EP400: variants seen among roughly 807,000 people sequenced by gnomAD.
EP400 encodes the protein E1A binding protein p400, also known as E1A-binding protein p400.
In EP400, 105 loss-of-function variants were observed where a neutral mutation model predicts 354.1. The ratio of observed to expected loss-of-function variants is 0.30; its 90% confidence interval spans 0.25 to 0.35. EP400 has a LOEUF of 0.35. Among genes scored for constraint, EP400 ranks in the 10% least tolerant of loss-of-function variants. EP400 has a pLI of 1.00. For missense variants in EP400, 3,280 were observed against 4,121.0 expected, an observed-to-expected ratio of 0.80 and a Z score of 5.59; for synonymous variants, 1,646 against 1,716.9, an observed-to-expected ratio of 0.96 and a Z score of 1.02.
chr12:132,026,175 G>A (rs1001056348), intron 25 of EP400, among the ~76,000 whole-genome samples: 2 of 152,152 alleles, frequency 1.3e-5, no homozygotes, highest in African/African-American at 4.8e-5. Context: ...TGTCCGGCCC[G>A]AGCTGCCACT....
In EP400 at chr12:132,066,756, A is replaced by T. The variant is rs780376611; in HGVS notation, c.8554-18A>T. The T allele has an allele frequency of 6.2e-7, 1 of 1,607,974 alleles. No homozygotes were observed. Among genetic ancestry groups the T allele is most frequent in the South Asian group, 1.1e-5 (1 of 90,130 alleles). ...GTCCTGAATTTCTCTGGACTCTCCC[A>T]TTATTTCTACTGTTTAGACCCGGGT... On this transcript the variant is annotated intron_variant, in intron 48 of 52. Coordinates refer to ENST00000389561, the MANE Select transcript of EP400 (RefSeq NM_015409.5).
At chr12:131,968,125 T>G (rs1293643215) in intron 2 of EP400, among the ~76,000 whole-genome samples, 1 of 152,242 alleles carries the variant, frequency 6.6e-6, no homozygotes, top group Admixed American at 6.5e-5. Flanking sequence ...ATTTATCGTT[T>G]TTTTCTTTTA....
At chr12:132,031,620 G>A (rs866266189) in intron 29 of EP400, among the ~76,000 whole-genome samples, 7 of 152,250 alleles carry the variant, frequency 4.6e-5, no homozygotes, top group African/African-American at 1.7e-4. Context: ...GTACAGTGGC[G>A]CAATCTTGGC....
At chr12:132,014,123 T>C (rs982580370) in intron 19 of EP400, among the ~76,000 whole-genome samples, 3 of 152,236 alleles carry the variant, frequency 2.0e-5, no homozygotes, top group African/African-American at 7.2e-5. Flanking sequence ...GCACTTCCCG[T>C]CTCAGAAGCC....
At chr12:132,053,737 A>C (rs1895386883) in intron 43 of EP400, 140 bp downstream of exon 43, 2 of 995,148 alleles carry the variant, frequency 2.0e-6, no homozygotes, top group Non-Finnish European at 2.8e-6. Flanking sequence ...CTCTGAAGAA[A>C]TGGGAAAAGG....
rs182074553 is a variant in EP400, at chr12:132,008,802, T to G, written c.3304+1925T>G. Among the ~76,000 whole-genome samples, 1,070 of 151,336 alleles carry G rather than the reference T, an allele frequency of 7.1e-3. 35 individuals carry two copies. The South Asian group carries it at 0.093, about 13-fold the overall frequency. On this transcript the variant is annotated intron_variant, in intron 15 of 52. Coordinates refer to ENST00000389561, the MANE Select transcript of EP400 (RefSeq NM_015409.5). ...CTGGCTAATTTTTTTGTATTTTTGGTAGAGACAGGGTTTCATTATGTTGCC... is the reference window on the plus strand; with the variant it reads ...CTGGCTAATTTTTTTGTATTTTTGGGAGAGACAGGGTTTCATTATGTTGCC...
intron 12 of EP400, among the ~76,000 whole-genome samples, chr12:131,999,219 G>A (rs1893324612): frequency 6.6e-6 from 1 of 152,076 alleles, no homozygotes; most frequent in Non-Finnish European, 1.5e-5. Flanking sequence ...TTTCTCAGTT[G>A]TAAATGGGAT....
At position 132,066,615 on chromosome 12, in the gene EP400, G is replaced by A. The variant is rs528761931; in HGVS notation, c.8554-159G>A. On this transcript the variant is annotated intron_variant, in intron 48 of 52. Transcript: ENST00000389561. Reference sequence around the variant, plus strand: ...GACCTGTGACTTGACATTTCCCTGCGGCGTGCAGATCTCTCAGTTTTCCTT... The same window carrying A: ...GACCTGTGACTTGACATTTCCCTGCAGCGTGCAGATCTCTCAGTTTTCCTT... 38 of 733,558 alleles carry A rather than the reference G, an allele frequency of 5.2e-5. No homozygotes were observed. The Middle Eastern group carries it at 1.4e-3, about 27-fold the overall frequency. The allele number at this position is 733,558 out of a possible 1,614,324, so 45.4% of individuals were successfully genotyped here. A position where few individuals can be genotyped will look rare whatever the true frequency, so the allele number is the denominator to read the frequency against.
rs1428110134 is a variant in EP400, at chr12:132,025,663, G to A, written c.4873G>A (p.Val1625Met). ...LQLQGSVLQI[V>M]SAPGQPYLRA... ...GATTGCAGGCAGCGTCCTCCAGATC[G>A]TGTCCGCCCCCGGGCAGCCCTACCT... The change falls in exon 25 of 53, where the codon GTG (valine) becomes ATG (methionine). Residue 1625 changes from valine to methionine, a missense_variant. Around this residue, in one of 20 missense-constraint regions of EP400, gnomAD observed 459 missense variants for 496.9 expected, o/e 0.92. Coordinates refer to ENST00000389561, the MANE Select transcript of EP400 (RefSeq NM_015409.5). This position sits in a 1 kb window ranked among gnomAD's most constrained non-coding sequence, Gnocchi z 4.1. 1.3e-5 allele frequency: 21 copies of A among 1,607,020 alleles called. No homozygotes were observed. The highest frequency in any genetic ancestry group is 1.7e-5 in the Non-Finnish European group (20 of 1,177,122).
chr12:131,970,736 T>C (rs1213645803), intron 2 of EP400, among the ~76,000 whole-genome samples: 2 of 152,226 alleles, frequency 1.3e-5, no homozygotes, highest in East Asian at 1.9e-4. Context: ...GTTTTTGCTT[T>C]ATTGAGATAT....
At chr12:132,051,326 G>A (rs767889332) in intron 41 of EP400, among the ~76,000 whole-genome samples, 32 of 152,178 alleles carry the variant, frequency 2.1e-4, no homozygotes, top group African/African-American at 3.9e-4. Flanking sequence ...ACGAGAGAGC[G>A]TAGAAATAAA....
chr12:132,080,064 A>G lies in EP400; in HGVS notation c.*2391A>G, dbSNP rs1896336016. 6.6e-6 allele frequency: 1 copy of G among 152,256 alleles called. No homozygotes were observed. The highest frequency in any genetic ancestry group is 2.4e-5 in the African/African-American group (1 of 41,472). 9.4% of individuals were successfully genotyped at this position (152,256 alleles called of 1,614,324 possible). On this transcript the variant is annotated 3_prime_UTR_variant, in exon 53 of 53. Coordinates refer to ENST00000389561, the MANE Select transcript of EP400 (RefSeq NM_015409.5). ...TAAGAGTTGGAAACTTTGAGAACAC[A>G]GACTATAAAGGCAGCAGCCCGAACA... is the stretch of plus-strand genomic sequence containing the variant.
At chr12:131,977,744 A>G (rs1229030621) in intron 2 of EP400, among the ~76,000 whole-genome samples, 2 of 151,986 alleles carry the variant, frequency 1.3e-5, no homozygotes, top group Non-Finnish European at 2.9e-5. Flanking sequence ...CATCTTGGTT[A>G]AATGTAAACG....
At chr12:132,064,070 G>A (rs1187681827) in intron 47 of EP400, among the ~76,000 whole-genome samples, 2 of 121,260 alleles carry the variant, frequency 1.6e-5, no homozygotes, top group Admixed American at 1.1e-4. Context: ...CACCTGCCCC[G>A]GTTCAACCAC....
intron 39 of EP400, among the ~76,000 whole-genome samples, chr12:132,049,203 G>C (rs990959614): frequency 2.0e-5 from 3 of 152,242 alleles, no homozygotes; most frequent in South Asian, 2.1e-4. Context: ...TGCCTGGTTA[G>C]AGCCTGCACA....
intron 1 of EP400, among the ~76,000 whole-genome samples, chr12:131,950,354 G>T (rs1891422594): frequency 6.6e-6 from 1 of 152,136 alleles, no homozygotes; most frequent in South Asian, 2.1e-4. Flanking sequence ...CGGCGGCGTT[G>T]CGGGAACCGG....
chr12:132,003,539 T>G (rs964580829), intron 12 of EP400, among the ~76,000 whole-genome samples: 8 of 152,188 alleles, frequency 5.3e-5, no homozygotes, highest in African/African-American at 1.9e-4. Context: ...TTCTAACTCA[T>G]TTCCATATGT....
Position 132,067,628 on chromosome 12 carries a change from GTGGTCATCCCTGT to G in EP400, c.8874+147_8874+159del. The G allele has an allele frequency of 8.3e-7, 1 of 1,198,370 alleles. No homozygotes were observed. The highest frequency in any genetic ancestry group is 2.4e-5 in the East Asian group (1 of 41,146). The allele number at this position is 1,198,370 out of a possible 1,614,324, so 74.2% of individuals were successfully genotyped here. A position where few individuals can be genotyped will look rare whatever the true frequency, so the allele number is the denominator to read the frequency against. The stretch of plus-strand genomic sequence containing the variant: ...GGCTTCAAGGGCTGGAGGTGCTAGT[GTGGTCATCCCTGT>G]TGGTTTTTCCTTCCTTTAAAAGGTG... On this transcript the variant is annotated intron_variant, in intron 50 of 52. Coordinates refer to ENST00000389561, the MANE Select transcript of EP400 (RefSeq NM_015409.5). The surrounding 1 kb of genome is among the most constrained non-coding windows in gnomAD (Gnocchi z 5.3).
chr12:131,998,930 A>C (rs1463781809), intron 12 of EP400, among the ~76,000 whole-genome samples: 1 of 144,478 alleles, frequency 6.9e-6, no homozygotes, highest in South Asian at 2.4e-4. Context: ...CTTGTATACA[A>C]AGTCTTTGTA....
Sources: allele counts gnomAD v4.1 joint callset (sites outside exome capture counted in the v4.1 genomes callset), GRCh38; gene constraint gnomAD v4.1.1; regional missense constraint gnomAD v4.1.1; non-coding constraint Gnocchi (gnomAD v3.1); transcripts MANE v1.5; gene names NCBI Gene and HGNC (gene_info 2026-07-23, HGNC 2026-07-21).